Variants in ZNF704 observed in about 807,000 individuals in gnomAD.
ZNF704 encodes zinc finger protein 704.
In ZNF704, 10 loss-of-function variants were observed where a neutral mutation model predicts 44.7. The ratio of observed to expected loss-of-function variants is 0.22; its 90% CI spans 0.14 to 0.38. The LOEUF (loss-of-function observed/expected upper bound fraction) is 0.38. ZNF704 is among the 10% of genes least tolerant of loss of function. The probability of loss-of-function intolerance (pLI) is 1.00; values close to 1 mark genes in which losing one functional copy is unlikely to be tolerated. For missense variants in ZNF704, 390 were observed against 545.5 expected, an observed-to-expected ratio of 0.71 and a Z score of 2.84; for synonymous variants, 211 against 207.6, an observed-to-expected ratio of 1.02 and a Z score of -0.14.
chr8:80,643,684 A>AT (rs1255788212), intron 7 of ZNF704, among the ~76,000 whole-genome samples: 2 of 152,134 alleles, frequency 1.3e-5, no homozygotes, highest in African/African-American at 4.8e-5. Context: ...TTTTTACTTC[A>AT]TATCTATGCA....
At chr8:80,796,833 AAAG>A in intron 2 of ZNF704, among the ~76,000 whole-genome samples, 1 of 149,956 alleles carries the variant, frequency 6.7e-6, no homozygotes, top group African/African-American at 2.5e-5. Flanking sequence ...AAAAGAAAGA[AAAG>A]AAAAGAAAAA....
At chr8:80,764,440 A>AT (rs1378019220) in intron 2 of ZNF704, among the ~76,000 whole-genome samples, 13 of 152,196 alleles carry the variant, frequency 8.5e-5, no homozygotes, top group Admixed American at 2.0e-4. Flanking sequence ...AGAACTCACT[A>AT]TCACAAGAAT....
chr8:80,838,233 AC>A (rs1428804076), intron 1 of ZNF704, among the ~76,000 whole-genome samples: 2 of 152,190 alleles, frequency 1.3e-5, no homozygotes, highest in Non-Finnish European at 2.9e-5. Context: ...ATCAACAGAA[AC>A]TTTAAGACAT....
At chr8:80,871,781 T>C (rs1381576465) in intron 1 of ZNF704, among the ~76,000 whole-genome samples, 1 of 152,238 alleles carries the variant, frequency 6.6e-6, no homozygotes, top group Non-Finnish European at 1.5e-5. Flanking sequence ...GAAAATCTCT[T>C]CAGATACAGT....
chr8:80,766,636 T>G (rs1279045585), intron 2 of ZNF704, among the ~76,000 whole-genome samples: 2 of 152,246 alleles, frequency 1.3e-5, no homozygotes, highest in Non-Finnish European at 2.9e-5. Context: ...AATTAATTAC[T>G]ACCACACTTA....
At chr8:80,884,155 T>G in the ZNF704 span, among the ~76,000 whole-genome samples, 5 of 152,246 alleles carry the variant, frequency 3.3e-5, no homozygotes, top group African/African-American at 1.2e-4. Context: ...TCCTCGGTAC[T>G]TACCATACTT....
rs1234421075 is a variant in ZNF704, at chr8:80,666,199, G to A, written c.660-1117C>T. Among the ~76,000 whole-genome samples the A allele has an allele frequency of 6.3e-5, 9 of 143,248 alleles. No individual in the cohort carries two copies. The East Asian group carries it at 1.9e-3, about 30-fold the overall frequency. 94.0% of individuals were successfully genotyped at this position (143,248 alleles called of 152,430 possible). ...CTCATTGTTCAATTCCCACCTATGA[G>A]TGAGAATATGCAGTGTTTGGTTTTT... On this transcript the variant is annotated intron_variant, in intron 5 of 8. Coordinates refer to ENST00000327835, the MANE Select transcript of ZNF704 (RefSeq NM_001033723.3).
chr8:80,647,817 G>T (rs538016058), intron 7 of ZNF704, among the ~76,000 whole-genome samples: 1 of 152,358 alleles, frequency 6.6e-6, no homozygotes, highest in Admixed American at 6.5e-5. Context: ...AAGCAGCAGG[G>T]TCGGGGAGGC....
rs575562588 is a variant in ZNF704, at chr8:80,631,802, C to T, written c.*9564G>A. ...CCGTTCAGACAGATGGAATATTTCCCCCGAAGGGAGGGAATAGCCACACTG... is the reference window on the plus strand; with the variant it reads ...CCGTTCAGACAGATGGAATATTTCCTCCGAAGGGAGGGAATAGCCACACTG... On this transcript the variant is annotated 3_prime_UTR_variant, in exon 9 of 9. Transcript: ENST00000327835. 2.0e-5 allele frequency: 3 copies of T among 152,222 alleles called. No individual in the cohort carries two copies. The highest frequency in any genetic ancestry group is 4.4e-5 in the Non-Finnish European group (3 of 68,048). The allele number at this position is 152,222 out of a possible 1,614,324, so 9.4% of individuals were successfully genotyped here. A position where few individuals can be genotyped will look rare whatever the true frequency, so the allele number is the denominator to read the frequency against.
chr8:80,726,864 C>T (rs1806490950), intron 2 of ZNF704, among the ~76,000 whole-genome samples: 1 of 151,298 alleles, frequency 6.6e-6, no homozygotes, highest in African/African-American at 2.4e-5. Context: ...CACAGACACA[C>T]ACAGTTTCCT....
At chr8:80,797,314 C>T (rs1807822681) in intron 2 of ZNF704, among the ~76,000 whole-genome samples, 1 of 152,174 alleles carries the variant, frequency 6.6e-6, no homozygotes, top group Admixed American at 6.5e-5. Context: ...AACTCTATGG[C>T]AAGATGGAGC....
intron 7 of ZNF704, among the ~76,000 whole-genome samples, chr8:80,654,387 A>C (rs1280302447): frequency 6.6e-6 from 1 of 152,186 alleles, no homozygotes; most frequent in Non-Finnish European, 1.5e-5. Context: ...AGAAACTACC[A>C]TCAGAGTGAA....
intron 2 of ZNF704, among the ~76,000 whole-genome samples, chr8:80,788,793 C>T (rs993417338): frequency 6.6e-6 from 1 of 152,112 alleles, no homozygotes; most frequent in Admixed American, 6.5e-5. Context: ...GTTTAAGCCA[C>T]TCTTTAGTCA....
Position 80,861,771 on chromosome 8 carries a change from C to T in ZNF704, c.-22+12800G>A, listed in dbSNP as rs116529531. On this transcript the variant is annotated intron_variant, in intron 1 of 8. Transcript: ENST00000327835. ...GTCTTTTGAATTTCCATCTCCAGCTCCATCTTCTCCACTGAATTCCAGCCT... is the reference window on the plus strand; with the variant it reads ...GTCTTTTGAATTTCCATCTCCAGCTTCATCTTCTCCACTGAATTCCAGCCT... Among the ~76,000 whole-genome samples, 977 of 151,632 alleles carry T rather than the reference C, an allele frequency of 6.4e-3. 10 individuals carry two copies. The highest frequency in any genetic ancestry group is 0.022 in the African/African-American group (915 of 41,318).
At position 80,628,471 on chromosome 8, in the gene ZNF704, C is replaced by T. The variant is rs375451159; in HGVS notation, c.*12895G>A. On this transcript the variant is annotated 3_prime_UTR_variant, in exon 9 of 9. Transcript: ENST00000327835. ...CCGAATAGAAGCAGATACACAAAAA[C>T]TTTTATTAAGTGGAAGTTAGACTTA... 16 of 152,214 alleles carry T rather than the reference C, an allele frequency of 1.1e-4. 1 individual carries two copies. The highest frequency in any genetic ancestry group is 3.9e-4 in the African/African-American group (16 of 41,536). 9.4% of individuals were successfully genotyped at this position (152,214 alleles called of 1,614,324 possible).
At chr8:80,881,287 T>C in the ZNF704 span, among the ~76,000 whole-genome samples, 3 of 152,290 alleles carry the variant, frequency 2.0e-5, no homozygotes, top group East Asian at 3.9e-4. Context: ...ATGAGAATGA[T>C]TTAAAAAGAA....
chr8:80,822,054 T>C (rs1305712423), intron 1 of ZNF704, among the ~76,000 whole-genome samples: 1 of 152,208 alleles, frequency 6.6e-6, no homozygotes, highest in Non-Finnish European at 1.5e-5. Context: ...TTAACCACAC[T>C]CTGTAGTTCA....
intron 6 of ZNF704, among the ~76,000 whole-genome samples, chr8:80,663,375 A>G (rs1301933153): frequency 1.3e-5 from 2 of 151,960 alleles, no homozygotes; most frequent in Non-Finnish European, 1.5e-5. Flanking sequence ...TCAAAAAAAA[A>G]AAAAAAAAGT....
At chr8:80,739,755 A>C (rs1172313529) in intron 2 of ZNF704, among the ~76,000 whole-genome samples, 1 of 152,204 alleles carries the variant, frequency 6.6e-6, no homozygotes, top group Non-Finnish European at 1.5e-5. Context: ...ACTGAATGCT[A>C]ATAGGGCTTG....
Sources: gnomAD v4.1 joint callset for allele counts (sites outside exome capture counted in the v4.1 genomes callset) on GRCh38, gnomAD v4.1.1 for gene constraint, MANE v1.5 for transcripts, NCBI Gene and HGNC (gene_info 2026-07-23, HGNC 2026-07-21) for gene names.